The following COL22A1 variants were observed in gnomAD, a reference collection of about 807,000 sequenced individuals.
COL22A1 encodes the protein collagen alpha-1(XXII) chain.
Under a neutral mutation model 248.9 loss-of-function variants are expected in COL22A1, and 221 were observed. That is an observed-to-expected ratio of 0.89 (90% CI 0.80 to 0.99). The LOEUF is 0.99. COL22A1 is among the 50% of genes least tolerant of loss of function. The pLI is 0.00. For missense variants in COL22A1, 2,240 were observed against 2,179.0 expected, an observed-to-expected ratio of 1.03 and a Z score of -0.56; for synonymous variants, 891 against 793.4, an observed-to-expected ratio of 1.12 and a Z score of -2.07.
chr8:138,796,624 T>C (rs942816044), intron 12 of COL22A1, among the ~76,000 whole-genome samples, 195 bp downstream of exon 12: 48 of 151,956 alleles, frequency 3.2e-4, no homozygotes, highest in African/African-American at 1.2e-3. Flanking sequence ...CTTCTCTCTT[T>C]CTGCTGAGTA....
chr8:138,778,743 C>T (rs574157532), intron 14 of COL22A1, among the ~76,000 whole-genome samples: 1 of 152,346 alleles, frequency 6.6e-6, no homozygotes, highest in South Asian at 2.1e-4. Flanking sequence ...CCCTCGGCCT[C>T]CCCATGACCT....
chr8:138,695,413 T>C (rs1462518085), intron 32 of COL22A1, among the ~76,000 whole-genome samples: 10 of 152,066 alleles, frequency 6.6e-5, no homozygotes, highest in Admixed American at 6.6e-4. Flanking sequence ...AGACCTTTCT[T>C]GAAATCCTGG....
At chr8:138,649,503 A>C (rs893305548) in intron 46 of COL22A1, among the ~76,000 whole-genome samples, 162 bp downstream of exon 46, 8 of 152,098 alleles carry the variant, frequency 5.3e-5, no homozygotes, top group Admixed American at 3.9e-4. Flanking sequence ...ACTTCCTACC[A>C]TTTCCATAGC....
At chr8:138,895,272 A>T (rs1384486680) in intron 1 of COL22A1, among the ~76,000 whole-genome samples, 1 of 152,132 alleles carries the variant, frequency 6.6e-6, no homozygotes, top group Non-Finnish European at 1.5e-5. Flanking sequence ...AAAGTAACTT[A>T]TTATGCCAAG....
chr8:138,653,028 T>C (rs377437689), intron 45 of COL22A1, among the ~76,000 whole-genome samples: 1 of 152,250 alleles, frequency 6.6e-6, no homozygotes, highest in Admixed American at 6.5e-5. Flanking sequence ...ATTACAGGCA[T>C]GAGCCATCGC....
rs1470339809 is a variant in COL22A1 at position 138,716,778 on chromosome 8, A to G, written c.2400+47T>C. On this transcript the variant is annotated intron_variant, in intron 28 of 64. Coordinates refer to ENST00000303045, the MANE Select transcript of COL22A1 (RefSeq NM_152888.3). ...TTTATACAAGATGTAGCGTATAACA[A>G]TGAATGAATGAATAAAATGAATGAA... 2.2e-6 allele frequency: 3 copies of G among 1,387,034 alleles called. 1 individual carries two copies. Among genetic ancestry groups the G allele is most frequent in the Middle Eastern group, 1.8e-4 (1 of 5,606 alleles). The allele number at this position is 1,387,034 out of a possible 1,614,324, so 85.9% of individuals were successfully genotyped here. A position where few individuals can be genotyped will look rare whatever the true frequency, so the allele number is the denominator to read the frequency against.
chr8:138,877,777 C>T lies in COL22A1; in HGVS notation c.631G>A (p.Gly211Ser). Residue 211 changes from glycine (G) to serine (S), a missense_variant, in exon 3 of 65, where the codon GGC becomes AGC. Coordinates refer to ENST00000303045, the MANE Select transcript of COL22A1 (RefSeq NM_152888.3). The part of the protein sequence containing the change: ...SDFNAIDKIR[G>S]KLRRRLCENV... ...TCACAAAGACGGCGCCGCAGCTTGC[C>T]CCGGATCTTGTCGATGGCATTGAAG... is the stretch of plus-strand genomic sequence containing the variant. 2.5e-6 allele frequency: 4 copies of T among 1,602,708 alleles called. No individual in the cohort carries two copies. In the South Asian group the frequency reaches 4.5e-5, roughly 18 times the overall value.
chr8:138,909,736 G>T (rs2132205506), intron 1 of COL22A1, among the ~76,000 whole-genome samples: 1 of 152,298 alleles, frequency 6.6e-6, no homozygotes, highest in Non-Finnish European at 1.5e-5. Flanking sequence ...GTTGCTTCCA[G>T]CAGGGCATCT....
At chr8:138,718,023 T>C (rs912826787) in intron 27 of COL22A1, among the ~76,000 whole-genome samples, 1 of 152,138 alleles carries the variant, frequency 6.6e-6, no homozygotes, top group African/African-American at 2.4e-5. Context: ...AAAGAATGAA[T>C]GAATAGGTGG....
chr8:138,592,169 G>T (rs1339237758), intron 63 of COL22A1, among the ~76,000 whole-genome samples: 1 of 152,086 alleles, frequency 6.6e-6, no homozygotes, highest in African/African-American at 2.4e-5. Context: ...GCCATCATAG[G>T]AATTTCAAAA....
intron 61 of COL22A1, among the ~76,000 whole-genome samples, chr8:138,597,366 C>T (rs1817629779): frequency 6.6e-6 from 1 of 152,176 alleles, no homozygotes; most frequent in Non-Finnish European, 1.5e-5. Context: ...TGGACATAGC[C>T]TACAGGCTGC....
chr8:138,663,458 C>T (rs1407858552), intron 42 of COL22A1, among the ~76,000 whole-genome samples: 1 of 152,178 alleles, frequency 6.6e-6, no homozygotes, highest in African/African-American at 2.4e-5. Context: ...AAAAGATGCC[C>T]AAAACTGAAG....
chr8:138,674,238 C>A (rs1825306030), intron 41 of COL22A1, among the ~76,000 whole-genome samples: 1 of 152,140 alleles, frequency 6.6e-6, no homozygotes, highest in Non-Finnish European at 1.5e-5. Context: ...TGCTTTGAGG[C>A]CCAGCACAAG....
chr8:138,773,402 T>C (rs1834557253), intron 16 of COL22A1, among the ~76,000 whole-genome samples: 1 of 152,212 alleles, frequency 6.6e-6, no homozygotes, highest in African/African-American at 2.4e-5. Flanking sequence ...GGCTGTCTCT[T>C]GTCTTCACAC....
chr8:138,610,361 C>T (rs556173825), intron 56 of COL22A1, among the ~76,000 whole-genome samples: 5 of 152,184 alleles, frequency 3.3e-5, no homozygotes, highest in South Asian at 4.1e-4. Context: ...TCAGGCCACA[C>T]ATACATTCGC....
rs1382463631 is a variant in COL22A1 at position 138,623,759 on chromosome 8, A to G, written c.3744T>C (p.Asp1248=). The G allele has an allele frequency of 6.2e-7, 1 of 1,612,466 alleles. No homozygotes were observed. The highest frequency in any genetic ancestry group is 8.5e-7 in the Non-Finnish European group (1 of 1,179,310). Residue 1248 remains aspartate (D), a synonymous_variant, in exon 52 of 65, where the codon GAT becomes GAC. Transcript: ENST00000303045. ...IPGEEGKEGR[D]GKPGPPGEPG... ...GCTCTCCAGGGGGACCCGGCTTTCC[A>G]TCTCTGCCCTCTTTGCCTTCTTCTC...
At chr8:138,823,285 G>A (rs961493081) in intron 6 of COL22A1, among the ~76,000 whole-genome samples, 5 of 152,158 alleles carry the variant, frequency 3.3e-5, no homozygotes, top group Non-Finnish European at 5.9e-5. Context: ...GCCAGGCACT[G>A]TTCTAAATAT....
intron 4 of COL22A1, among the ~76,000 whole-genome samples, chr8:138,834,215 C>A (rs1026302636): frequency 1.3e-5 from 2 of 152,048 alleles, no homozygotes; most frequent in Non-Finnish European, 2.9e-5. Flanking sequence ...TGAAGGCAGG[C>A]ACCAGGCTGA....
chr8:138,630,886 A>G, intron 49 of COL22A1, 138 bp from the exon 50 acceptor site: 1 of 786,744 alleles, frequency 1.3e-6, no homozygotes, highest in East Asian at 2.5e-5. Flanking sequence ...GTGATTCCCA[A>G]TATTGTAGGT....
Sources: allele counts gnomAD v4.1 joint callset (sites outside exome capture counted in the v4.1 genomes callset), GRCh38; gene constraint gnomAD v4.1.1; transcripts MANE v1.5; gene names NCBI Gene and HGNC (gene_info 2026-07-23, HGNC 2026-07-21).